Variants in PLCG2 observed in about 807,000 individuals in gnomAD.
PLCG2 encodes the protein 1-phosphatidylinositol 4,5-bisphosphate phosphodiesterase gamma-2.
A neutral mutation model predicts 175.6 loss-of-function variants in PLCG2; 69 were observed. The observed-to-expected ratio is 0.39, with a 90% CI of 0.32 to 0.48. PLCG2 has a LOEUF of 0.48. Ranked by LOEUF, PLCG2 falls within the 20% of genes least tolerant of loss-of-function variation. PLCG2 has a pLI of 0.91. For synonymous variants in PLCG2, 827 were observed against 624.0 expected, an observed-to-expected ratio of 1.33 and a Z score of -4.85; for missense variants, 1,798 against 1,650.9, an observed-to-expected ratio of 1.09 and a Z score of -1.54.
intron 2 of PLCG2, among the ~76,000 whole-genome samples, chr16:81,830,782 A>C (rs183992168): frequency 8.5e-4 from 129 of 152,036 alleles, no homozygotes; most frequent in Admixed American, 3.5e-3. Flanking sequence ...ACTGACAGAC[A>C]CAGTGTGTGA....
chr16:81,934,660 C>T, intron 26 of PLCG2, 129 bp downstream of exon 26: 1 of 672,840 alleles, frequency 1.5e-6, no homozygotes, highest in South Asian at 1.8e-5. Context: ...GATGGCCCCA[C>T]CTTGGGTTTG....
chr16:81,880,953 G>C lies in PLCG2; in HGVS notation c.692G>C (p.Gly231Ala). ...FKKDSSVFILGNTDRPDASAV... is the reference protein window; with the variant it reads ...FKKDSSVFILANTDRPDASAV... The stretch of plus-strand genomic sequence containing the variant: ...AAGGATTCGTCCGTGTTCATCCTGG[G>C]GTGAGGCAGCTCTTGTGTGTCGTTC... Residue 231 changes from glycine (G) to alanine (A), a missense_variant and splice_region_variant, in exon 8 of 33, where the codon GGG (glycine) becomes GCG (alanine). Physicochemically the swap from Gly to Ala is moderately conservative, Grantham distance 60 (BLOSUM62 0). Transcript: ENST00000564138. The C allele has an allele frequency of 6.2e-7, 1 of 1,614,080 alleles. No individual in the cohort carries two copies.
At chr16:81,804,174 T>C (rs1911887822) in intron 2 of PLCG2, among the ~76,000 whole-genome samples, 1 of 152,226 alleles carries the variant, frequency 6.6e-6, no homozygotes, top group Admixed American at 6.5e-5. Flanking sequence ...ACCAGCAATG[T>C]ATGAGGGCTC....
chr16:81,885,012 C>T (rs558906161), intron 9 of PLCG2, among the ~76,000 whole-genome samples: 7 of 152,026 alleles, frequency 4.6e-5, no homozygotes, highest in South Asian at 4.2e-4. Flanking sequence ...CTCAGCCTCC[C>T]GAATAGCTGG....
At chr16:81,769,541 G>A (rs1290093145) in intron 2 of PLCG2, among the ~76,000 whole-genome samples, 1 of 152,078 alleles carries the variant, frequency 6.6e-6, no homozygotes, top group Non-Finnish European at 1.5e-5. Flanking sequence ...GGGGCCGGGC[G>A]CGGTGGCTCA....
chr16:81,746,015 G>A (rs1363928458), intron 1 of PLCG2, among the ~76,000 whole-genome samples: 1 of 152,164 alleles, frequency 6.6e-6, no homozygotes, highest in Non-Finnish European at 1.5e-5. Context: ...GAAGAACAAG[G>A]GTGCACTTCT....
At chr16:81,909,839 G>A (rs1201514200) in intron 17 of PLCG2, among the ~76,000 whole-genome samples, 1 of 152,190 alleles carries the variant, frequency 6.6e-6, no homozygotes, top group Non-Finnish European at 1.5e-5. Flanking sequence ...GCCTCTTTGA[G>A]GTGGATACTG....
chr16:81,744,889 A>G (rs1909673551), intron 1 of PLCG2, among the ~76,000 whole-genome samples: 1 of 152,196 alleles, frequency 6.6e-6, no homozygotes, highest in Admixed American at 6.5e-5. Flanking sequence ...TTTTTAGGGC[A>G]TCTGGAGAGG....
chr16:81,770,155 A>T (rs1355502112), intron 2 of PLCG2, among the ~76,000 whole-genome samples: 1 of 152,144 alleles, frequency 6.6e-6, no homozygotes, highest in Non-Finnish European at 1.5e-5. Context: ...AGAAGTGTAC[A>T]GTTCACTGGA....
chr16:81,883,311 C>T lies in PLCG2; in HGVS notation c.735C>T (p.Asp245=). The change falls in exon 9 of 33, where the codon GAC becomes GAT. Residue 245 remains aspartate, a synonymous_variant. Transcript: ENST00000564138. The stretch of plus-strand genomic sequence containing the variant: ...ATGCCTCTGCTGTTTACCTGCATGA[C>T]TTCCAGAGGTTTCTCATACATGAAC... ...RPDASAVYLH[D]FQRFLIHEQQ... is the part of the protein sequence containing the mutation. 6.2e-7 allele frequency: 1 copy of T among 1,614,174 alleles called. No homozygotes were observed. The highest frequency in any genetic ancestry group is 8.5e-7 in the Non-Finnish European group (1 of 1,180,010).
chr16:81,799,603 T>A (rs1000052454), intron 2 of PLCG2, among the ~76,000 whole-genome samples: 2 of 150,432 alleles, frequency 1.3e-5, no homozygotes, highest in African/African-American at 4.9e-5. Flanking sequence ...TATTAATTTT[T>A]TTTTTTTTTT....
At chr16:81,876,485 C>G (rs1421871746) in intron 7 of PLCG2, among the ~76,000 whole-genome samples, 1 of 152,164 alleles carries the variant, frequency 6.6e-6, no homozygotes. Context: ...TCTTAGTGCC[C>G]TGGCCCCTGC....
chr16:81,946,233 C>T lies in PLCG2; in HGVS notation c.3540C>T (p.Leu1180=), dbSNP rs1233814634. Reference sequence around the variant, plus strand: ...GCGAGGACATAGAGCTGGCTTCCCTCCTGGTTTTCTGTGAGATGCGGCCAG... The same window carrying T: ...GCGAGGACATAGAGCTGGCTTCCCTTCTGGTTTTCTGTGAGATGCGGCCAG... ...GYSEDIELAS[L]LVFCEMRPVL... is the part of the protein sequence containing the mutation. The change falls in exon 31 of 33, where the codon CTC becomes CTT. Residue 1180 remains leucine (L), a synonymous_variant. Transcript: ENST00000564138. The T allele has an allele frequency of 6.2e-7, 1 of 1,613,934 alleles. No individual in the cohort carries two copies.
intron 2 of PLCG2, among the ~76,000 whole-genome samples, chr16:81,813,973 C>T (rs1904429584): frequency 6.6e-6 from 1 of 152,178 alleles, no homozygotes; most frequent in African/African-American, 2.4e-5. Context: ...ATCGTGAATC[C>T]ACCAGAGATG....
Position 81,910,625 on chromosome 16 carries a change from C to T in PLCG2, c.1839C>T (p.Leu613=), listed in dbSNP as rs1284138330. The T allele has an allele frequency of 1.2e-6, 2 of 1,614,122 alleles. No homozygotes were observed. The highest frequency in any genetic ancestry group is 1.3e-5 in the African/African-American group (1 of 75,062). ...DNLTFSSIYA[L]IQHYRETHLR... ...TCACCTTCAGCAGCATCTATGCCCT[C>T]ATCCAGCACTACCGCGAGACGCACC... Residue 613 remains leucine (L), a synonymous_variant, in exon 18 of 33, where the codon CTC becomes CTT. Transcript: ENST00000564138.
chr16:81,851,568 A>G (rs1180712500), intron 2 of PLCG2, among the ~76,000 whole-genome samples: 1 of 152,058 alleles, frequency 6.6e-6, no homozygotes, highest in Non-Finnish European at 1.5e-5. Flanking sequence ...GCTGGAGTGC[A>G]GTGGCGTGGT....
intron 1 of PLCG2, 49 bp from the exon 2 acceptor site, chr16:81,785,894 A>C: frequency 8.6e-7 from 1 of 1,156,210 alleles, no homozygotes; most frequent in Non-Finnish European, 1.3e-6. Context: ...TGTTAACTAA[A>C]CCCCTTTCAG....
chr16:81,806,201 G>T (rs950103232), intron 2 of PLCG2, among the ~76,000 whole-genome samples: 1 of 151,874 alleles, frequency 6.6e-6, no homozygotes, highest in African/African-American at 2.4e-5. Context: ...GTGGCTAGTG[G>T]CTACCATATT....
intron 31 of PLCG2, among the ~76,000 whole-genome samples, chr16:81,950,304 T>C (rs1486346247): frequency 6.6e-6 from 1 of 152,176 alleles, no homozygotes; most frequent in Admixed American, 6.5e-5. Context: ...ATCTAGAATT[T>C]ACGATCAGAA....
Sources: gnomAD v4.1 joint callset for allele counts (sites outside exome capture counted in the v4.1 genomes callset) on GRCh38, gnomAD v4.1.1 for gene constraint, MANE v1.5 for transcripts, NCBI Gene and HGNC (gene_info 2026-07-23, HGNC 2026-07-21) for gene names.